The following TMEM39B variants were observed in gnomAD, a reference collection of about 807,000 sequenced individuals.
The protein encoded by TMEM39B is transmembrane protein 39B.
TMEM39B carries 23 observed loss-of-function variants against 52.2 expected under a neutral mutation model. That is an observed-to-expected ratio of 0.44 (90% CI 0.32 to 0.62). The LOEUF (loss-of-function observed/expected upper bound fraction) is 0.62, where lower values mean the gene tolerates loss of function less well. TMEM39B is among the 20% of genes least tolerant of loss of function. The pLI, the probability that TMEM39B is intolerant of heterozygous loss-of-function variation, is 0.06. For missense variants in TMEM39B, 547 were observed against 642.0 expected (o/e 0.85, Z 1.60); for synonymous variants, 285 against 264.0 (o/e 1.08, Z -0.77).
chr1:32,091,559 C>G, intron 5 of TMEM39B, 116 bp from the exon 6 acceptor site: 1 of 1,208,568 alleles, frequency 8.3e-7, no homozygotes, highest in Non-Finnish European at 1.1e-6. Context: ...TAAATTCTCC[C>G]CTCTGGGCAG....
At chr1:32,088,102 G>A (rs1401741349) in intron 5 of TMEM39B, among the ~76,000 whole-genome samples, 2 of 150,138 alleles carry the variant, frequency 1.3e-5, no homozygotes, top group African/African-American at 4.9e-5. Context: ...CTCCAGCCTG[G>A]GTGACAGAGC....
intron 5 of TMEM39B, among the ~76,000 whole-genome samples, chr1:32,083,994 G>GACACACAC (rs59029097): frequency 6.6e-6 from 1 of 150,416 alleles, no homozygotes; most frequent in African/African-American, 2.4e-5. Flanking sequence ...CAGACACACA[G>GACACACAC]ACACACACAC....
intron 7 of TMEM39B, among the ~76,000 whole-genome samples, chr1:32,097,642 T>C (rs1640861937): frequency 6.6e-6 from 1 of 151,414 alleles, no homozygotes; most frequent in African/African-American, 2.4e-5. Context: ...CCCAACTTCT[T>C]TTTTTTGTTT....
intron 5 of TMEM39B, among the ~76,000 whole-genome samples, chr1:32,091,000 C>T (rs1368599183): frequency 1.3e-5 from 2 of 152,080 alleles, no homozygotes; most frequent in East Asian, 3.9e-4. Context: ...GTTGCCCAGG[C>T]TGGTCTTGAA....
chr1:32,102,835 G>A lies in TMEM39B; in HGVS notation c.*162G>A, dbSNP rs1386767828. On this transcript the variant is annotated 3_prime_UTR_variant, in exon 9 of 9. Coordinates refer to ENST00000336294, the MANE Select transcript of TMEM39B (RefSeq NM_018056.4). ...GTTTCTTTGATAATTGATGTGATAA[G>A]GAAAAAAGTCCTATTTTTATACTCC... 3 of 815,980 alleles carry A rather than the reference G, an allele frequency of 3.7e-6. No homozygotes were observed. The highest frequency in any genetic ancestry group is 3.5e-5 in the African/African-American group (2 of 56,410). The allele number at this position is 815,980 out of a possible 1,614,324, so 50.5% of individuals were successfully genotyped here.
chr1:32,076,104 T>A, intron 3 of TMEM39B: 2 of 90,850 alleles, frequency 2.2e-5, no homozygotes, highest in Non-Finnish European at 4.6e-5. Flanking sequence ...TCTTTTCTTC[T>A]TTTTTTTTTT....
At position 32,094,777 on chromosome 1, in the gene TMEM39B, C is replaced by T; in HGVS notation, c.928-7C>T. ...CCCAGGCCTCACCCACCTTCTGCTA[C>T]CCCCAGAACACACATTACTATGACA... On this transcript the variant is annotated splice_polypyrimidine_tract_variant and splice_region_variant and intron_variant, in intron 6 of 8. Transcript: ENST00000336294. 2 of 1,613,874 alleles carry T rather than the reference C, an allele frequency of 1.2e-6. No homozygotes were observed. Among genetic ancestry groups the T allele is most frequent in the Non-Finnish European group, 8.5e-7 (1 of 1,179,806 alleles).
chr1:32,079,009 A>C (rs1205223345), intron 5 of TMEM39B, among the ~76,000 whole-genome samples: 4 of 152,030 alleles, frequency 2.6e-5, no homozygotes, highest in Non-Finnish European at 5.9e-5. Context: ...CACACTTTTC[A>C]CTTAATCATA....
chr1:32,087,171 T>G (rs1388183177), intron 5 of TMEM39B, among the ~76,000 whole-genome samples: 1 of 151,842 alleles, frequency 6.6e-6, no homozygotes, highest in Admixed American at 6.6e-5. Context: ...AGTATTTGCA[T>G]GTATTGGGTT....
chr1:32,081,867 C>T (rs1257123656), intron 5 of TMEM39B, among the ~76,000 whole-genome samples: 1 of 152,126 alleles, frequency 6.6e-6, no homozygotes, highest in Non-Finnish European at 1.5e-5. Context: ...GCCTCCCAGC[C>T]ACCCAGTTTC....
chr1:32,079,249 A>G (rs924928656), intron 5 of TMEM39B, among the ~76,000 whole-genome samples: 1 of 151,132 alleles, frequency 6.6e-6, no homozygotes. Flanking sequence ...CAGTGGCACA[A>G]TCTTGGCTCA....
chr1:32,079,737 T>C lies in TMEM39B; in HGVS notation c.590+2419T>C, dbSNP rs548164934. On this transcript the variant is annotated intron_variant, in intron 5 of 8. Coordinates refer to ENST00000336294, the MANE Select transcript of TMEM39B (RefSeq NM_018056.4). The stretch of plus-strand genomic sequence containing the variant: ...AATGGCCTCGCAGTATTCTATGTTA[T>C]AGAATTTTCACAATTTATTTGTCTT... Among the ~76,000 whole-genome samples the C allele has an allele frequency of 1.1e-4, 16 of 152,142 alleles. No homozygotes were observed. The East Asian group carries it at 1.7e-3, about 17-fold the overall frequency.
At chr1:32,101,434 C>G (rs756599034) in intron 8 of TMEM39B, among the ~76,000 whole-genome samples, 2 of 151,720 alleles carry the variant, frequency 1.3e-5, no homozygotes, top group South Asian at 2.1e-4. Context: ...TCCCCTCCCC[C>G]CCTTTTTTAA....
rs761860404 is a variant in TMEM39B at position 32,076,843 on chromosome 1, G to A, written c.432G>A (p.Lys144=). 1.2e-6 allele frequency: 2 copies of A among 1,614,146 alleles called. No homozygotes were observed. The highest frequency in any genetic ancestry group is 1.7e-6 in the Non-Finnish European group (2 of 1,180,022). The change falls in exon 4 of 9, where the codon AAG becomes AAA. Residue 144 remains lysine, a synonymous_variant. Coordinates refer to ENST00000336294, the MANE Select transcript of TMEM39B (RefSeq NM_018056.4). ...LGRRFIGSIV[K]EASQRGKVSL... The stretch of plus-strand genomic sequence containing the variant: ...GCCGCTTCATTGGGTCCATCGTGAA[G>A]GAGGTGATTGGGTCCTAGAGGCTGG...
At position 32,072,999 on chromosome 1, in the gene TMEM39B, T is replaced by A; in HGVS notation, c.-49T>A. 5.2e-6 allele frequency: 8 copies of A among 1,533,122 alleles called. No individual in the cohort carries two copies. Among genetic ancestry groups the A allele is most frequent in the Non-Finnish European group, 7.0e-6 (8 of 1,138,378 alleles). 95.0% of individuals were successfully genotyped at this position (1,533,122 alleles called of 1,614,324 possible). The stretch of plus-strand genomic sequence containing the variant: ...CCCGGCCGCCGTCGCCTCCGACATA[T>A]TGCCCGCAGGAGCTGCGGCGGCGAA... On this transcript the variant is annotated 5_prime_UTR_variant, in exon 1 of 9. In the 5' UTR this introduces an upstream ATG that the reference lacks. Transcript: ENST00000336294.
chr1:32,093,272 T>C (rs2124483974), intron 6 of TMEM39B, among the ~76,000 whole-genome samples: 1 of 152,000 alleles, frequency 6.6e-6, no homozygotes, highest in Middle Eastern at 3.4e-3. Context: ...CTAATTTCTG[T>C]ATTTTTAGTA....
intron 5 of TMEM39B, among the ~76,000 whole-genome samples, chr1:32,081,474 G>A (rs1025509407): frequency 4.6e-5 from 7 of 151,982 alleles, no homozygotes; most frequent in Non-Finnish European, 8.8e-5. Flanking sequence ...TTGGCCAAGC[G>A]TGGTGGCTCA....
intron 5 of TMEM39B, among the ~76,000 whole-genome samples, chr1:32,084,393 C>T (rs1287328884): frequency 6.6e-6 from 1 of 152,064 alleles, no homozygotes; most frequent in Non-Finnish European, 1.5e-5. Context: ...GGTTGGACCC[C>T]CTGCTTCCTG....
At chr1:32,090,938 C>T (rs1640580064) in intron 5 of TMEM39B, among the ~76,000 whole-genome samples, 1 of 151,996 alleles carries the variant, frequency 6.6e-6, no homozygotes, top group Non-Finnish European at 1.5e-5. Flanking sequence ...CTGCGCCTGG[C>T]CCATACCTGC....
Sources: allele counts gnomAD v4.1 joint callset (sites outside exome capture counted in the v4.1 genomes callset), GRCh38; gene constraint gnomAD v4.1.1; transcripts MANE v1.5; gene names NCBI Gene and HGNC (gene_info 2026-07-23, HGNC 2026-07-21).